GLI3: variants seen among roughly 807,000 people sequenced by gnomAD.
GLI3 encodes transcription activator GLI3.
In GLI3, 20 loss-of-function variants were observed where a neutral mutation model predicts 100.8. The observed-to-expected ratio is 0.20, with a 90% CI of 0.14 to 0.29. The LOEUF (loss-of-function observed/expected upper bound fraction) is 0.29. Among genes scored for constraint, GLI3 ranks in the 10% least tolerant of loss-of-function variants. GLI3 has a pLI of 1.00. For synonymous variants in GLI3, 938 were observed against 860.5 expected, an observed-to-expected ratio of 1.09 and a Z score of -1.58; for missense variants, 2,040 against 2,128.5, an observed-to-expected ratio of 0.96 and a Z score of 0.82.
chr7:42,086,570 T>A (rs964416157), intron 3 of GLI3, among the ~76,000 whole-genome samples: 3 of 152,058 alleles, frequency 2.0e-5, no homozygotes, highest in African/African-American at 7.2e-5. Flanking sequence ...CACCTCCCCA[T>A]CCGAGAGTCA....
At chr7:42,056,364 T>C (rs922921256) in intron 4 of GLI3, among the ~76,000 whole-genome samples, 2 of 152,162 alleles carry the variant, frequency 1.3e-5, no homozygotes, top group Non-Finnish European at 1.5e-5. Context: ...TATGAGTAGA[T>C]GTGACCTAAT....
intron 2 of GLI3, among the ~76,000 whole-genome samples, chr7:42,157,096 G>T (rs1426449144): frequency 6.6e-6 from 1 of 152,196 alleles, no homozygotes; most frequent in African/African-American, 2.4e-5. Flanking sequence ...AAAGGAGCTA[G>T]AGGCCACATG....
At chr7:42,091,944 C>T (rs886946772) in intron 3 of GLI3, among the ~76,000 whole-genome samples, 1 of 152,236 alleles carries the variant, frequency 6.6e-6, no homozygotes, top group Admixed American at 6.5e-5. Flanking sequence ...ATTAGAAAGG[C>T]AAACAATTTA....
intron 2 of GLI3, among the ~76,000 whole-genome samples, chr7:42,166,651 T>A (rs965245163): frequency 1.0e-4 from 4 of 39,018 alleles, no homozygotes; most frequent in South Asian, 8.8e-4. Context: ...TTCTGATTCC[T>A]TTTTTTTTTT....
At chr7:42,041,354 T>C (rs1784132838) in intron 6 of GLI3, among the ~76,000 whole-genome samples, 1 of 152,214 alleles carries the variant, frequency 6.6e-6, no homozygotes, top group Non-Finnish European at 1.5e-5. Context: ...CCAATTTGCA[T>C]TCAAATTTGG....
At chr7:42,230,200 G>A (rs1308321149) in intron 1 of GLI3, among the ~76,000 whole-genome samples, 2 of 149,152 alleles carry the variant, frequency 1.3e-5, no homozygotes, top group Non-Finnish European at 3.0e-5. Flanking sequence ...CTGTATATAT[G>A]ATTATTTTTC....
At chr7:42,168,279 T>C (rs1183233913) in intron 2 of GLI3, among the ~76,000 whole-genome samples, 1 of 152,198 alleles carries the variant, frequency 6.6e-6, no homozygotes, top group Non-Finnish European at 1.5e-5. Flanking sequence ...TTGCCAAGTC[T>C]GTGCTGTTCT....
intron 1 of GLI3, among the ~76,000 whole-genome samples, chr7:42,250,398 G>A (rs1200687331): frequency 3.3e-5 from 5 of 152,194 alleles, no homozygotes; most frequent in Non-Finnish European, 5.9e-5. Flanking sequence ...AGAGAACTTT[G>A]ACCAACTCAT....
At chr7:42,197,801 T>C (rs1010296185) in intron 2 of GLI3, among the ~76,000 whole-genome samples, 1 of 152,238 alleles carries the variant, frequency 6.6e-6, no homozygotes, top group Non-Finnish European at 1.5e-5. Context: ...TCACAGCAGC[T>C]GTGCAAATCC....
At chr7:42,223,584 T>C (rs1289827404) in intron 1 of GLI3, among the ~76,000 whole-genome samples, 3 of 152,202 alleles carry the variant, frequency 2.0e-5, no homozygotes, top group Non-Finnish European at 4.4e-5. Flanking sequence ...AAATCTCAAT[T>C]TGCAACTGTG....
Position 42,048,502 on chromosome 7 carries a change from C to T in GLI3, c.668G>A (p.Ser223Asn), listed in dbSNP as rs778623805. The T allele has an allele frequency of 9.9e-6, 16 of 1,611,908 alleles. No individual in the cohort carries two copies. The highest frequency in any genetic ancestry group is 9.9e-5 in the South Asian group (9 of 90,972). Residue 223 changes from serine to asparagine, a missense_variant, in exon 5 of 15, where the codon AGC becomes AAC. Physicochemically the swap from Ser to Asn is conservative, Grantham distance 46. Transcript: ENST00000395925. ...LSMISATRGL[S>N]PTDAPHAGVS... ...CATCCTGGACTTACCATCTGTAGGG[C>T]TCAGCCCACGGGTTGCTGAGATCAT...
chr7:42,202,952 C>T (rs1788077008), intron 2 of GLI3, among the ~76,000 whole-genome samples: 1 of 152,156 alleles, frequency 6.6e-6, no homozygotes, highest in Non-Finnish European at 1.5e-5. Context: ...TTCATATCAG[C>T]CTTCACAATC....
intron 2 of GLI3, among the ~76,000 whole-genome samples, chr7:42,193,155 C>A (rs1243479115): frequency 1.3e-5 from 2 of 152,110 alleles, no homozygotes; most frequent in Non-Finnish European, 1.5e-5. Context: ...AGAAACAGCT[C>A]AAGGAAGGTC....
chr7:42,232,307 A>T (rs2128705973), intron 1 of GLI3, among the ~76,000 whole-genome samples: 1 of 152,354 alleles, frequency 6.6e-6, no homozygotes, highest in East Asian at 1.9e-4. Context: ...CTTTAAAAGA[A>T]AGCAAGGATT....
Position 42,173,726 on chromosome 7 carries a change from C to T in GLI3, c.125-25258G>A, listed in dbSNP as rs140315959. On this transcript the variant is annotated intron_variant, in intron 2 of 14. Transcript: ENST00000395925. ...TTTGGGAACATGATCAACTCTAGCA[C>T]AGCCACTGGCTCTCAGGAAGGGTCC... Among the ~76,000 whole-genome samples, 120 of 152,302 alleles carry T rather than the reference C, an allele frequency of 7.9e-4. 1 individual carries two copies. Among genetic ancestry groups the T allele is most frequent in the African/African-American group, 2.7e-3 (111 of 41,566 alleles).
At chr7:41,981,429 G>A (rs1787665333) in intron 10 of GLI3, among the ~76,000 whole-genome samples, 1 of 152,236 alleles carries the variant, frequency 6.6e-6, no homozygotes, top group Non-Finnish European at 1.5e-5. Context: ...CCCTGAAGAG[G>A]AGGGCATCAG....
chr7:42,078,781 G>A (rs1215423530), intron 3 of GLI3, among the ~76,000 whole-genome samples: 1 of 141,250 alleles, frequency 7.1e-6, no homozygotes, highest in Non-Finnish European at 1.5e-5. Context: ...CCAGACTGGA[G>A]TGCAGTGGCT....
At chr7:42,002,094 G>A (rs1413194202) in intron 10 of GLI3, among the ~76,000 whole-genome samples, 2 of 151,936 alleles carry the variant, frequency 1.3e-5, no homozygotes, top group African/African-American at 2.4e-5. Context: ...ACACACACGT[G>A]TGCAAATAAA....
At chr7:42,223,321 C>A in intron 1 of GLI3, 26 bp from the exon 2 acceptor site, 2 of 1,331,544 alleles carry the variant, frequency 1.5e-6, no homozygotes, top group Non-Finnish European at 2.1e-6. Flanking sequence ...GAGCCATCAA[C>A]TTTCCAAAAT....
Sources: gnomAD v4.1 joint callset for allele counts (sites outside exome capture counted in the v4.1 genomes callset) on GRCh38, gnomAD v4.1.1 for gene constraint, MANE v1.5 for transcripts, NCBI Gene and HGNC (gene_info 2026-07-23, HGNC 2026-07-21) for gene names.